The following FAM83F variants were observed in gnomAD, a reference collection of about 807,000 sequenced individuals.
The protein encoded by FAM83F is scaffolding CK1 anchoring protein F.
Under a neutral mutation model 42.9 loss-of-function variants are expected in FAM83F, and 45 were observed. The ratio of observed to expected loss-of-function variants is 1.05; its 90% confidence interval spans 0.83 to 1.35. FAM83F has a LOEUF of 1.35. FAM83F is among the 40% of genes most tolerant of loss of function. The pLI, the probability that FAM83F is intolerant of heterozygous loss-of-function variation, is 0.00. For synonymous variants in FAM83F, 306 were observed against 298.3 expected, an observed-to-expected ratio of 1.03 and a Z score of -0.27; for missense variants, 617 against 695.9, an observed-to-expected ratio of 0.89 and a Z score of 1.28.
chr22:40,017,379 C>T (rs150035082), intron 1 of FAM83F, among the ~76,000 whole-genome samples: 5 of 152,188 alleles, frequency 3.3e-5, no homozygotes, highest in African/African-American at 7.2e-5. Flanking sequence ...ATTACAGGTG[C>T]CCACCATCAT....
chr22:40,015,809 A>G (rs1432702218), intron 1 of FAM83F, among the ~76,000 whole-genome samples: 1 of 152,104 alleles, frequency 6.6e-6, no homozygotes, highest in Non-Finnish European at 1.5e-5. Flanking sequence ...CATTTATCTC[A>G]TTTATCTCAT....
chr22:40,016,111 G>T lies in FAM83F; in HGVS notation c.490-3057G>T, dbSNP rs374743980. 3.9e-5 allele frequency among the ~76,000 whole-genome samples: 6 copies of T among 152,122 alleles called. No individual in the cohort carries two copies. The East Asian group carries it at 5.8e-4, about 15-fold the overall frequency. On this transcript the variant is annotated intron_variant, in intron 1 of 4. Transcript: ENST00000333407. ...AGAAAAAAGGATGAAATCAGGAGAG[G>T]GGGGGACAACCAAAGCCATTGGTCA...
Position 40,032,868 on chromosome 22 carries a change from A to AT in FAM83F, c.*3310dup, listed in dbSNP as rs2067598618. The stretch of plus-strand genomic sequence containing the variant: ...ACAGGCCACCGTACCCGGCCAGGCT[A>AT]TTTTTTTGTTTTGTTTTTGTTTACT... On this transcript the variant is annotated 3_prime_UTR_variant, in exon 5 of 5. Transcript: ENST00000333407. 3 of 151,972 alleles carry AT rather than the reference A, an allele frequency of 2.0e-5. No homozygotes were observed. Among genetic ancestry groups the AT allele is most frequent in the South Asian group, 2.1e-4 (1 of 4,800 alleles). The allele number at this position is 151,972 out of a possible 1,614,324, so 9.4% of individuals were successfully genotyped here.
intron 2 of FAM83F, 40 bp from the exon 3 acceptor site, chr22:40,019,847 G>T: frequency 6.3e-7 from 1 of 1,578,858 alleles, no homozygotes. Flanking sequence ...ACGGAGGCTG[G>T]CCCAACCCAG....
intron 4 of FAM83F, among the ~76,000 whole-genome samples, chr22:40,026,931 G>A (rs2067556675): frequency 6.6e-6 from 1 of 152,144 alleles, no homozygotes; most frequent in Non-Finnish European, 1.5e-5. Context: ...TGTTATTACT[G>A]TTGTTACTAG....
chr22:40,007,463 C>CCT, intron 1 of FAM83F, among the ~76,000 whole-genome samples: 1 of 12,470 alleles, frequency 8.0e-5, no homozygotes, highest in Non-Finnish European at 1.5e-4. Context: ...CCTCTCCTCT[C>CCT]CTCCTCTCCT....
At chr22:40,015,673 T>C (rs2145717098) in intron 1 of FAM83F, among the ~76,000 whole-genome samples, 1 of 152,280 alleles carries the variant, frequency 6.6e-6, no homozygotes, top group South Asian at 2.1e-4. Context: ...TTTCTCTGGG[T>C]GCCAAAGGCT....
At chr22:40,015,316 C>A (rs2067487477) in intron 1 of FAM83F, among the ~76,000 whole-genome samples, 1 of 152,156 alleles carries the variant, frequency 6.6e-6, no homozygotes, top group South Asian at 2.1e-4. Flanking sequence ...ACGAGACATA[C>A]CCACATTATG....
At chr22:40,003,783 G>T (rs2067413646) in intron 1 of FAM83F, among the ~76,000 whole-genome samples, 1 of 152,160 alleles carries the variant, frequency 6.6e-6, no homozygotes, top group African/African-American at 2.4e-5. Flanking sequence ...TCTGGCCCAG[G>T]TTTCCAATAA....
intron 4 of FAM83F, among the ~76,000 whole-genome samples, chr22:40,022,376 G>A (rs978264909): frequency 6.6e-6 from 1 of 152,166 alleles, no homozygotes; most frequent in Admixed American, 6.5e-5. Context: ...CATGGCTGCA[G>A]CTCGACCCTG....
intron 1 of FAM83F, among the ~76,000 whole-genome samples, chr22:40,018,573 G>T (rs1297757978): frequency 2.0e-5 from 3 of 150,898 alleles, no homozygotes; most frequent in African/African-American, 7.3e-5. Context: ...CCAGTAGCTG[G>T]CATTACAGGT....
chr22:40,021,195 G>C lies in FAM83F; in HGVS notation c.780-95G>C. ...CAAGGAGCCGTACACCTGCAGCAAG[G>C]GTCTGGCCACAGCGGAGGGGCAGGT... On this transcript the variant is annotated intron_variant, in intron 3 of 4. Coordinates refer to ENST00000333407, the MANE Select transcript of FAM83F (RefSeq NM_138435.4). The surrounding 1 kb of genome is among the most constrained non-coding windows in gnomAD (Gnocchi z 8.7). 7.2e-7 allele frequency: 1 copy of C among 1,391,224 alleles called. No individual in the cohort carries two copies. The highest frequency in any genetic ancestry group is 1.6e-5 in the South Asian group (1 of 64,330). The allele number at this position is 1,391,224 out of a possible 1,614,324, so 86.2% of individuals were successfully genotyped here.
intron 1 of FAM83F, among the ~76,000 whole-genome samples, chr22:40,003,612 C>T (rs1004862270): frequency 1.5e-4 from 23 of 152,292 alleles, no homozygotes; most frequent in African/African-American, 5.5e-4. Context: ...CCCCCACCCC[C>T]ACACACCATG....
chr22:40,022,073 C>G, intron 4 of FAM83F, 110 bp downstream of exon 4: 1 of 1,013,094 alleles, frequency 9.9e-7, no homozygotes. Context: ...TAGATTCCAT[C>G]TGTGGGCACA....
Position 40,033,697 on chromosome 22 carries a change from T to C in FAM83F, c.*4132T>C, listed in dbSNP as rs1374420422. The C allele has an allele frequency of 6.6e-6, 1 of 152,282 alleles. No individual in the cohort carries two copies. Among genetic ancestry groups the C allele is most frequent in the Non-Finnish European group, 1.5e-5 (1 of 68,086 alleles). The allele number at this position is 152,282 out of a possible 1,614,324, so 9.4% of individuals were successfully genotyped here. A position where few individuals can be genotyped will look rare whatever the true frequency, so the allele number is the denominator to read the frequency against. ...GTGCCCCCGTTGAGAGCACTGGCTC[T>C]TTTCTTCACAGTCCTGACCTGGTGG... On this transcript the variant is annotated 3_prime_UTR_variant, in exon 5 of 5. Coordinates refer to ENST00000333407, the MANE Select transcript of FAM83F (RefSeq NM_138435.4).
rs1440954450 is a variant in FAM83F, at chr22:40,033,101, T to C, written c.*3536T>C. The stretch of plus-strand genomic sequence containing the variant: ...CGCAAGTAATTGTTTTGTTTTTTTT[T>C]TGAGACAATGTCTTGCTCTGTCGAT... On this transcript the variant is annotated 3_prime_UTR_variant, in exon 5 of 5. Transcript: ENST00000333407. 6.6e-6 allele frequency: 1 copy of C among 151,984 alleles called. No homozygotes were observed. The highest frequency in any genetic ancestry group is 1.5e-5 in the Non-Finnish European group (1 of 67,980). The allele number at this position is 151,984 out of a possible 1,614,324, so 9.4% of individuals were successfully genotyped here.
chr22:40,020,506 G>A (rs1054279329), intron 3 of FAM83F, among the ~76,000 whole-genome samples: 1 of 151,834 alleles, frequency 6.6e-6, no homozygotes, highest in Non-Finnish European at 1.5e-5. Context: ...GGGATTACAG[G>A]TGCCTACCAC....
intron 4 of FAM83F, among the ~76,000 whole-genome samples, chr22:40,026,560 A>G (rs1888923671): frequency 6.6e-6 from 1 of 152,072 alleles, no homozygotes; most frequent in Admixed American, 6.5e-5. Flanking sequence ...GTTCGGAAGA[A>G]CCAGAGCCCC....
chr22:40,029,572 G>A lies in FAM83F; in HGVS notation c.*7G>A, dbSNP rs1157677721. On this transcript the variant is annotated 3_prime_UTR_variant, in exon 5 of 5. Coordinates refer to ENST00000333407, the MANE Select transcript of FAM83F (RefSeq NM_138435.4). ...CAACTGTGTGATTTCCTGAGCTGCGGGATGGTGGTGGGCAGGACGTGTGGA... is the reference window on the plus strand; with the variant it reads ...CAACTGTGTGATTTCCTGAGCTGCGAGATGGTGGTGGGCAGGACGTGTGGA... 1 of 1,610,828 alleles carries A rather than the reference G, an allele frequency of 6.2e-7. No individual in the cohort carries two copies. Among genetic ancestry groups the A allele is most frequent in the African/African-American group, 1.3e-5 (1 of 74,864 alleles).
Sources: gnomAD v4.1 joint callset for allele counts (sites outside exome capture counted in the v4.1 genomes callset) on GRCh38, gnomAD v4.1.1 for gene constraint, Gnocchi (gnomAD v3.1) non-coding constraint, MANE v1.5 for transcripts, NCBI Gene and HGNC (gene_info 2026-07-23, HGNC 2026-07-21) for gene names.